The following CHAT variants were observed in gnomAD, a reference collection of about 807,000 sequenced individuals.
The protein encoded by CHAT is choline O-acetyltransferase, also known as acetyl CoA:choline O-acetyltransferase.
A neutral mutation model predicts 76.9 loss-of-function variants in CHAT; 61 were observed. That is an observed-to-expected ratio of 0.79 (90% CI 0.65 to 0.98). The LOEUF is 0.98. Among genes scored for constraint, CHAT ranks in the 50% least tolerant of loss-of-function variants. The pLI is 0.00. For synonymous variants in CHAT, 407 were observed against 397.4 expected (o/e 1.02, Z -0.29); for missense variants, 946 against 986.9 (o/e 0.96, Z 0.56).
At chr10:49,651,429 G>A (rs559981489) in intron 10 of CHAT, among the ~76,000 whole-genome samples, 2 of 152,310 alleles carry the variant, frequency 1.3e-5, no homozygotes, top group Admixed American at 1.3e-4. Flanking sequence ...GCTCCAGTGG[G>A]CAGTCAGCTC....
chr10:49,612,570 G>A (rs1180818300), upstream of CHAT: 5 of 538,344 alleles, frequency 9.3e-6, no homozygotes, highest in African/African-American at 1.9e-5. Flanking sequence ...CGCTCCTTGC[G>A]GAGGTGAAGA....
In CHAT at chr10:49,648,601, A is replaced by G. The variant is rs1263401972; in HGVS notation, c.1376A>G (p.Lys459Arg). 1 of 1,610,854 alleles carries G rather than the reference A, an allele frequency of 6.2e-7. No individual in the cohort carries two copies. Among genetic ancestry groups the G allele is most frequent in the Non-Finnish European group, 8.5e-7 (1 of 1,177,488 alleles). The change falls in exon 9 of 15, where the codon AAG becomes AGG. Residue 459 changes from lysine to arginine, a missense_variant. Around this residue, in one of 3 missense-constraint regions of CHAT, gnomAD observed 349 missense variants for 393.9 expected, o/e 0.89. Transcript: ENST00000337653. ...VLVQCTEHLLKHVTQSSRKLI... is the reference protein window; with the variant it reads ...VLVQCTEHLLRHVTQSSRKLI... ...GTGCAGTGCACTGAGCATCTGCTCA[A>G]GCACGTGTGAGTCTGGATCCCAGGG... is the stretch of plus-strand genomic sequence containing the variant.
At chr10:49,658,367 ATTAGCCAGGCGTG>A (rs1205431975) in intron 13 of CHAT, among the ~76,000 whole-genome samples, 1 of 152,204 alleles carries the variant, frequency 6.6e-6, no homozygotes, top group Non-Finnish European at 1.5e-5. Flanking sequence ...AATACAAAAA[ATTAGCCAGGCGTG>A]GTTGCACATG....
At chr10:49,636,530 C>T (rs370078878) in intron 7 of CHAT, among the ~76,000 whole-genome samples, 107 of 152,150 alleles carry the variant, frequency 7.0e-4, no homozygotes, top group African/African-American at 2.4e-3. Flanking sequence ...ATACCTGTTT[C>T]GTAAAATAAA....
At chr10:49,664,496 T>G (rs755413791) in intron 14 of CHAT, among the ~76,000 whole-genome samples, 11 of 152,156 alleles carry the variant, frequency 7.2e-5, no homozygotes, top group Non-Finnish European at 1.5e-4. Context: ...AAGTGGAGAC[T>G]CAGCCCAAGA....
At chr10:49,623,447 A>C (rs1838800938) in intron 5 of CHAT, among the ~76,000 whole-genome samples, 2 of 152,180 alleles carry the variant, frequency 1.3e-5, no homozygotes, top group Non-Finnish European at 2.9e-5. Flanking sequence ...TAATTAATTA[A>C]TTAATTTACT....
Position 49,655,449 on chromosome 10 carries a change from G to T in CHAT, c.1839+1G>T. On this transcript the variant is annotated splice_donor_variant, in intron 13 of 14. Coordinates refer to ENST00000337653, the MANE Select transcript of CHAT (RefSeq NM_020549.5). LOFTEE classifies it high-confidence loss of function. ...TGCCCAGACTGCATACACAGTCATG[G>T]TGAGTGACGTCGCACCACCTCACAA... 1 of 1,613,724 alleles carries T rather than the reference G, an allele frequency of 6.2e-7. No individual in the cohort carries two copies. Among genetic ancestry groups the T allele is most frequent in the Non-Finnish European group, 8.5e-7 (1 of 1,179,766 alleles).
intron 7 of CHAT, among the ~76,000 whole-genome samples, chr10:49,630,351 A>G (rs1839073739): frequency 6.8e-6 from 1 of 146,772 alleles, no homozygotes; most frequent in Admixed American, 6.7e-5. Context: ...AGACAGAGGG[A>G]ACGGCCAGCC....
upstream of CHAT, chr10:49,612,493 A>G: frequency 1.4e-6 from 1 of 722,304 alleles, no homozygotes; most frequent in Non-Finnish European, 2.3e-6. Flanking sequence ...CCTCCCTGTG[A>G]CCCGTTCCAT....
intron 7 of CHAT, among the ~76,000 whole-genome samples, chr10:49,640,506 G>T (rs144487052): frequency 6.6e-6 from 1 of 150,712 alleles, no homozygotes; most frequent in African/African-American, 2.4e-5. Flanking sequence ...AGGGTTGGGG[G>T]GTGGAAGTTC....
intron 12 of CHAT, 30 bp downstream of exon 12, chr10:49,655,266 G>A (rs776507924): frequency 1.9e-6 from 3 of 1,614,056 alleles, no homozygotes; most frequent in East Asian, 4.5e-5. Flanking sequence ...ACGGCCACAG[G>A]AAACCAGTGA....
rs767903393 is a variant in CHAT at position 49,627,752 on chromosome 10, G to T, written c.1078G>T (p.Glu360Ter). ...CCTGCTGACGTCTGACGGGAGGAGC[G>T]AGTGGGCCGAGGCCAGGACGGTCCT... ...IGLLTSDGRS[E>*]WAEARTVLVK... The change falls in exon 7 of 15, where the codon GAG (glutamate) becomes TAG (stop). Residue 360 changes from glutamate (E) to a stop codon, truncating the protein, a stop_gained. Transcript: ENST00000337653. LOFTEE classifies it high-confidence loss of function. The T allele has an allele frequency of 6.2e-7, 1 of 1,613,848 alleles. No homozygotes were observed. Among genetic ancestry groups the T allele is most frequent in the East Asian group, 2.2e-5 (1 of 44,892 alleles).
intron 7 of CHAT, among the ~76,000 whole-genome samples, chr10:49,632,677 GC>G (rs1166315113): frequency 6.6e-6 from 1 of 152,158 alleles, no homozygotes; most frequent in African/African-American, 2.4e-5. Context: ...TGGGGCAGGG[GC>G]TTTTCCACCC....
chr10:49,612,090 G>A (rs1262127360), upstream of CHAT: 2 of 1,613,282 alleles, frequency 1.2e-6, no homozygotes, highest in East Asian at 4.5e-5. Flanking sequence ...GCTTTGAGCA[G>A]CTCAGCCTTG....
rs1303365039 is a variant in CHAT, at chr10:49,662,773, C to T, written c.1968C>T (p.Ser656=). ...TYLMSNRFVL[S]TSQVPTTTEM... ...TGATGAGCAACCGGTTTGTCCTCTC[C>T]ACTAGCCAGGTACGGCCCCGTGCAG... The change falls in exon 14 of 15, where the codon TCC becomes TCT. Residue 656 remains serine (S), a synonymous_variant. Transcript: ENST00000337653. 1.2e-6 allele frequency: 2 copies of T among 1,614,108 alleles called. No individual in the cohort carries two copies. Among genetic ancestry groups the T allele is most frequent in the African/African-American group, 1.3e-5 (1 of 74,934 alleles).
chr10:49,611,821 G>A (rs554262479), upstream of CHAT: 1 of 1,603,782 alleles, frequency 6.2e-7, no homozygotes. Flanking sequence ...GCTGTACGGC[G>A]CGCTTGGGCT....
At position 49,651,895 on chromosome 10, in the gene CHAT, A is replaced by G. The variant is rs1188157104; in HGVS notation, c.1523A>G (p.Asn508Ser). The G allele has an allele frequency of 6.2e-7, 1 of 1,613,970 alleles. No individual in the cohort carries two copies. The highest frequency in any genetic ancestry group is 1.7e-5 in the Admixed American group (1 of 60,012). ...TTTTTCTTCCTCAGAATAGTAAAGA[A>G]CCTTGACTTCATTGTCTATAAGTTT... Reference protein sequence around the residue: ...SAEKLQRIVKNLDFIVYKFDN... With the variant: ...SAEKLQRIVKSLDFIVYKFDN... The change falls in exon 11 of 15, where the codon AAC (asparagine) becomes AGC (serine). Residue 508 changes from asparagine to serine, a missense_variant. By Grantham distance (46) the Asn-to-Ser change is conservative. Coordinates refer to ENST00000337653, the MANE Select transcript of CHAT (RefSeq NM_020549.5).
chr10:49,625,731 A>C, intron 6 of CHAT, 78 bp downstream of exon 6: 1 of 1,436,718 alleles, frequency 7.0e-7, no homozygotes, highest in Non-Finnish European at 9.5e-7. Flanking sequence ...ACCTTCTCCG[A>C]GGGGGCTCAG....
chr10:49,651,074 G>T (rs1463817550), intron 10 of CHAT, among the ~76,000 whole-genome samples: 1 of 152,026 alleles, frequency 6.6e-6, no homozygotes, highest in Non-Finnish European at 1.5e-5. Flanking sequence ...CTTCTTCCTG[G>T]GGGTCCTGAG....
Sources: allele counts gnomAD v4.1 joint callset (sites outside exome capture counted in the v4.1 genomes callset), GRCh38; gene constraint gnomAD v4.1.1; regional missense constraint gnomAD v4.1.1; transcripts MANE v1.5; gene names NCBI Gene and HGNC (gene_info 2026-07-23, HGNC 2026-07-21).